The following FRRS1 variants were observed in gnomAD, a reference collection of about 807,000 sequenced individuals.
FRRS1 encodes the protein ferric reductase 1.
A neutral mutation model predicts 70.7 loss-of-function variants in FRRS1; 51 were observed. That is an observed-to-expected ratio of 0.72 (90% CI 0.58 to 0.91). The LOEUF (loss-of-function observed/expected upper bound fraction) is 0.91. Among genes scored for constraint, FRRS1 ranks in the 40% least tolerant of loss-of-function variants. The probability of loss-of-function intolerance (pLI) is 0.00; values close to 1 mark genes in which losing one functional copy is unlikely to be tolerated. For missense variants in FRRS1, 672 were observed against 726.0 expected (o/e 0.93, Z 0.86); for synonymous variants, 225 against 238.7 (o/e 0.94, Z 0.53).
At chr1:99,735,814 C>T (rs6577128) in intron 7 of FRRS1, among the ~76,000 whole-genome samples, 75,112 of 152,054 alleles carry the variant, frequency 0.49, 22,555 homozygotes, top group African/African-American at 0.85. Flanking sequence ...CTGTGGGCTA[C>T]TCATTACCAT....
At chr1:99,719,705 A>G (rs1654720534) in intron 9 of FRRS1, 58 bp from the exon 10 acceptor site, 1 of 970,104 alleles carries the variant, frequency 1.0e-6, no homozygotes, top group African/African-American at 1.6e-5. Flanking sequence ...TCAAATAAAA[A>G]AGGAATTGAG....
intron 1 of FRRS1, among the ~76,000 whole-genome samples, chr1:99,761,921 G>A (rs1284976591): frequency 6.6e-6 from 1 of 152,172 alleles, no homozygotes; most frequent in Non-Finnish European, 1.5e-5. Context: ...AACACATCAT[G>A]TCAAGGACTT....
At position 99,706,023 on chromosome 1, in the gene FRRS1, G is replaced by T. The variant is rs1418240231; in HGVS notation, c.*3005C>A. On this transcript the variant is annotated 3_prime_UTR_variant, in exon 17 of 17. Coordinates refer to ENST00000646001, the MANE Select transcript of FRRS1 (RefSeq NM_001361041.2). ...AAAAACTGAGAGGAGTGAAGACTAG[G>T]CATTTGCAATTTGTGGATACCAACC... Among the ~76,000 whole-genome samples the T allele has an allele frequency of 1.3e-5, 2 of 152,058 alleles. No individual in the cohort carries two copies. The highest frequency in any genetic ancestry group is 2.4e-5 in the African/African-American group (1 of 41,402).
At chr1:99,716,205 G>T (rs1348192172) in intron 11 of FRRS1, among the ~76,000 whole-genome samples, 8 of 152,224 alleles carry the variant, frequency 5.3e-5, no homozygotes, top group Non-Finnish European at 2.9e-5. Flanking sequence ...GATAACTGGT[G>T]CAGACCAAAA....
intron 9 of FRRS1, 93 bp downstream of exon 9, chr1:99,728,400 C>A: frequency 9.5e-7 from 1 of 1,047,976 alleles, no homozygotes; most frequent in Non-Finnish European, 1.4e-6. Flanking sequence ...GCCTTAAAAA[C>A]GGGCAATTAC....
chr1:99,723,396 A>G (rs1422504520), intron 9 of FRRS1, among the ~76,000 whole-genome samples: 2 of 152,158 alleles, frequency 1.3e-5, no homozygotes, highest in Non-Finnish European at 2.9e-5. Context: ...ACATGGCTGT[A>G]GTCCCAGCTA....
At chr1:99,739,738 C>T (rs1249245532) in intron 6 of FRRS1, among the ~76,000 whole-genome samples, 1 of 152,140 alleles carries the variant, frequency 6.6e-6, no homozygotes, top group Non-Finnish European at 1.5e-5. Context: ...ATACTAAGAG[C>T]TAAATATTAT....
intron 14 of FRRS1, chr1:99,711,278 C>T (rs147448322): frequency 0.01 from 2,486 of 237,412 alleles, 24 homozygotes; most frequent in South Asian, 0.018. Context: ...TCCCCCATTC[C>T]GCCCTCTCCT....
In FRRS1 at chr1:99,748,888, T is replaced by G. The variant is rs1437609792; in HGVS notation, c.-1+9A>C. 3 of 639,862 alleles carry G rather than the reference T, an allele frequency of 4.7e-6. No homozygotes were observed. The highest frequency in any genetic ancestry group is 2.8e-5 in the East Asian group (1 of 35,464). The allele number at this position is 639,862 out of a possible 1,614,324, so 39.6% of individuals were successfully genotyped here. On this transcript the variant is annotated intron_variant, in intron 2 of 16. Coordinates refer to ENST00000646001, the MANE Select transcript of FRRS1 (RefSeq NM_001361041.2). ...TTTCTGTGTTCAGCAAACCATATTC[T>G]CAACATACCTGATAAAAAGAATGTG...
At chr1:99,749,385 T>C (rs1219199787) in intron 1 of FRRS1, among the ~76,000 whole-genome samples, 1 of 152,140 alleles carries the variant, frequency 6.6e-6, no homozygotes, top group Non-Finnish European at 1.5e-5. Context: ...AGATAATAAA[T>C]AATAGCTTTC....
At chr1:99,733,661 T>C (rs1281105916) in intron 7 of FRRS1, among the ~76,000 whole-genome samples, 1 of 152,172 alleles carries the variant, frequency 6.6e-6, no homozygotes. Flanking sequence ...TCCACAGTGT[T>C]ATATAAAAGG....
chr1:99,739,867 C>A (rs534117678), intron 6 of FRRS1, among the ~76,000 whole-genome samples: 30 of 130,598 alleles, frequency 2.3e-4, no homozygotes, highest in African/African-American at 7.3e-4. Context: ...ACTGAAACAA[C>A]CTTTCTCAAC....
In FRRS1 at chr1:99,748,673, G is replaced by A; in HGVS notation, c.96C>T (p.Cys32=). 6.2e-7 allele frequency: 1 copy of A among 1,613,654 alleles called. No individual in the cohort carries two copies. The stretch of plus-strand genomic sequence containing the variant: ...GACCATGTTCAGGAATCATTCCATG[G>A]CATGACTGTGTTACTTTTCCATTGG... ...NYPNGKVTQS[C]HGMIPEHGHS... Residue 32 remains cysteine, a synonymous_variant, in exon 3 of 17, where the codon TGC becomes TGT. Transcript: ENST00000646001.
At chr1:99,719,146 T>G (rs1654678956) in intron 10 of FRRS1, among the ~76,000 whole-genome samples, 1 of 152,012 alleles carries the variant, frequency 6.6e-6, no homozygotes, top group South Asian at 2.1e-4. Flanking sequence ...GCACGGTGAC[T>G]CATGCCTGTA....
chr1:99,712,491 C>CATAT lies in FRRS1; in HGVS notation c.1347_1348insATAT (p.Gly450IlefsTer24). 6.2e-7 allele frequency: 1 copy of CATAT among 1,611,352 alleles called. No individual in the cohort carries two copies. The highest frequency in any genetic ancestry group is 1.1e-5 in the South Asian group (1 of 90,448). ...ACTGCCAAAGTCATCACTATACAGC[C>CATAT]GAGGTATGGGTGGTAACCTGCATGC... On this transcript the variant is annotated frameshift_variant, in exon 13 of 17. Coordinates refer to ENST00000646001, the MANE Select transcript of FRRS1 (RefSeq NM_001361041.2). LOFTEE classifies it high-confidence loss of function.
At position 99,732,379 on chromosome 1, in the gene FRRS1, C is replaced by T. The variant is rs140296419; in HGVS notation, c.760-2631G>A. On this transcript the variant is annotated intron_variant, in intron 7 of 16. Coordinates refer to ENST00000646001, the MANE Select transcript of FRRS1 (RefSeq NM_001361041.2). ...CTATGAGAGAACATTAAGCTGGACA[C>T]TGTGGGAGAAACAAAAATGACTTTA... 1.1e-3 allele frequency among the ~76,000 whole-genome samples: 172 copies of T among 152,276 alleles called. 1 individual carries two copies. Among genetic ancestry groups the T allele is most frequent in the African/African-American group, 3.9e-3 (164 of 41,564 alleles).
At chr1:99,715,760 G>A in intron 11 of FRRS1, 88 bp from the exon 12 acceptor site, 2 of 848,834 alleles carry the variant, frequency 2.4e-6, no homozygotes, top group Non-Finnish European at 2.0e-6. Context: ...AAAAGACTAT[G>A]GGGTAAGATT....
intron 1 of FRRS1, among the ~76,000 whole-genome samples, chr1:99,763,681 C>T (rs1455979439): frequency 6.6e-6 from 1 of 151,964 alleles, no homozygotes; most frequent in African/African-American, 2.4e-5. Context: ...CCAGCCTGAC[C>T]AACATGGAGA....
chr1:99,709,198 C>CCAGA lies in FRRS1; in HGVS notation c.1685_1686insTCTG (p.Glu562AspfsTer7), dbSNP rs1223031439. On this transcript the variant is annotated frameshift_variant and splice_region_variant, in exon 16 of 17. Transcript: ENST00000646001. LOFTEE classifies it high-confidence loss of function. ...GTCAATGAACAAGAAAAGGACTTAC[C>CCAGA]TCTGTTTCCACTGCAGTAAATGACT... 4 of 1,609,622 alleles carry CCAGA rather than the reference C, an allele frequency of 2.5e-6. No homozygotes were observed. Among genetic ancestry groups the CCAGA allele is most frequent in the Non-Finnish European group, 3.4e-6 (4 of 1,176,044 alleles).
Sources: gnomAD v4.1 joint callset for allele counts (sites outside exome capture counted in the v4.1 genomes callset) on GRCh38, gnomAD v4.1.1 for gene constraint, MANE v1.5 for transcripts, NCBI Gene and HGNC (gene_info 2026-07-23, HGNC 2026-07-21) for gene names.